The following LAS1L variants were observed in gnomAD, a reference collection of about 807,000 sequenced individuals.
LAS1L encodes the protein LAS1 like ribosome biogenesis factor.
LAS1L carries 5 observed loss-of-function variants against 57.3 expected under a neutral mutation model. The observed-to-expected ratio is 0.09, with a 90% CI of 0.05 to 0.18. The LOEUF is 0.18. LAS1L is among the 10% of genes least tolerant of loss of function. The pLI is 1.00. For synonymous variants in LAS1L, 245 were observed against 231.7 expected (o/e 1.06, Z -0.52); for missense variants, 360 against 568.3 (o/e 0.63, Z 3.73).
At chrX:65,533,810 T>C in intron 1 of LAS1L, 75 bp from the exon 2 acceptor site, 5 of 1,080,203 alleles carry the variant, frequency 4.6e-6, no homozygotes, top group Non-Finnish European at 6.3e-6. Flanking sequence ...ACCTAGGTTG[T>C]TGCAGGCTAC....
intron 2 of LAS1L, among the ~76,000 whole-genome samples, chrX:65,532,956 G>A (rs2069574958): frequency 8.9e-6 from 1 of 112,428 alleles, no homozygotes; most frequent in South Asian, 3.6e-4. Context: ...ATCAGATAAT[G>A]GGGAGCACAG....
At chrX:65,525,988 C>T (rs1048388606) in intron 7 of LAS1L, among the ~76,000 whole-genome samples, 25 of 110,983 alleles carry the variant, frequency 2.3e-4, no homozygotes, top group Admixed American at 7.7e-4. Flanking sequence ...TCATGAATGA[C>T]TTGGTGCTGT....
chrX:65,525,525 T>G (rs2069080494), intron 7 of LAS1L, among the ~76,000 whole-genome samples: 2 of 110,037 alleles, frequency 1.8e-5, no homozygotes, highest in South Asian at 7.7e-4. Context: ...AGTAGAAACC[T>G]TGGGGACCCA....
intron 11 of LAS1L, chrX:65,520,882 C>T (rs1484020865): frequency 1.3e-6 from 1 of 750,215 alleles, no homozygotes; most frequent in Non-Finnish European, 1.6e-6. Context: ...CTTGTCACTC[C>T]CTCCCTCCCA....
chrX:65,524,852 T>A, intron 8 of LAS1L, 113 bp downstream of exon 8: 1 of 523,510 alleles, frequency 1.9e-6, no homozygotes, highest in South Asian at 2.9e-5. Context: ...TCAGAGGCCA[T>A]GGAATGGCAG....
At chrX:65,526,482 G>C (rs755279846) in intron 7 of LAS1L, among the ~76,000 whole-genome samples, 1 of 111,534 alleles carries the variant, frequency 9.0e-6, no homozygotes, top group Non-Finnish European at 1.9e-5. Context: ...CCTAGGCTGG[G>C]CAAACACTGA....
intron 11 of LAS1L, 136 bp from the exon 12 acceptor site, chrX:65,518,601 CAT>C: frequency 1.0e-6 from 1 of 972,409 alleles, no homozygotes; most frequent in South Asian, 2.6e-5. Context: ...GCAGACAGAA[CAT>C]AGAAACAACA....
intron 11 of LAS1L, chrX:65,522,222 G>A (rs1194836245): frequency 9.1e-6 from 1 of 110,176 alleles, no homozygotes; most frequent in African/African-American, 3.3e-5. Flanking sequence ...CCGCAGATCA[G>A]TTCACGAGGG....
rs774066035 is a variant in LAS1L at position 65,529,883 on chromosome X, A to AG, written c.515-6dup. On this transcript the variant is annotated splice_polypyrimidine_tract_variant and splice_region_variant and intron_variant, in intron 4 of 13. Coordinates refer to ENST00000374811, the MANE Select transcript of LAS1L (RefSeq NM_031206.7). ...AATCCAGGACAAAGTAGCAGCCTAG[A>AG]GGGGGGAAGGCAGGCAGTGCCACAG... The AG allele has an allele frequency of 8.3e-7, 1 of 1,208,490 alleles. No homozygotes were observed. Among genetic ancestry groups the AG allele is most frequent in the East Asian group, 3.0e-5 (1 of 33,785 alleles).
At chrX:65,522,330 A>C (rs2068893325) in intron 11 of LAS1L, 1 of 109,862 alleles carries the variant, frequency 9.1e-6, no homozygotes, top group African/African-American at 3.3e-5. Flanking sequence ...GTGAGCGGTA[A>C]GGGTTTAGAA....
chrX:65,524,312 A>G (rs1421392629), intron 9 of LAS1L, 50 bp from the exon 10 acceptor site: 6 of 981,671 alleles, frequency 6.1e-6, no homozygotes, highest in Non-Finnish European at 8.6e-6. Context: ...GAGAGAGAGC[A>G]GGAGAGCACG....
Position 65,514,964 on chromosome X carries a change from C to T in LAS1L, c.1937G>A (p.Arg646Gln), listed in dbSNP as rs755113452. 1.9e-5 allele frequency: 23 copies of T among 1,205,877 alleles called. No individual in the cohort carries two copies. The highest frequency in any genetic ancestry group is 2.5e-5 in the Non-Finnish European group (22 of 892,935). Residue 646 changes from arginine (R) to glutamine (Q), a missense_variant, in exon 13 of 14, where the codon CGA becomes CAA. Physicochemically the swap from Arg to Gln is conservative, Grantham distance 43. This residue lies in a region of LAS1L where 123 missense variants were observed against 168.3 expected (regional missense o/e 0.73). Transcript: ENST00000374811. Reference protein sequence around the residue: ...SAWQVSSEDVRWDTFPLGRMP... With the variant: ...SAWQVSSEDVQWDTFPLGRMP... ...TCGGCCTAGGGGAAATGTGTCCCAT[C>T]GCACGTCTTCTGTGGAGCAAAGGGA...
chrX:65,525,200 G>A (rs1303162097), intron 7 of LAS1L, 150 bp from the exon 8 acceptor site: 2 of 460,986 alleles, frequency 4.3e-6, no homozygotes, highest in African/African-American at 4.8e-5. Context: ...GGAGTGGGGA[G>A]GAAGGGAGTT....
intron 13 of LAS1L, among the ~76,000 whole-genome samples, chrX:65,513,433 C>T (rs1018271382): frequency 4.5e-5 from 5 of 112,290 alleles, no homozygotes; most frequent in Admixed American, 9.4e-5. Flanking sequence ...CCCCTGCTTC[C>T]CGCAAGTCAA....
At chrX:65,519,517 C>A (rs1300322982) in intron 11 of LAS1L, among the ~76,000 whole-genome samples, 2 of 111,782 alleles carry the variant, frequency 1.8e-5, no homozygotes, top group African/African-American at 6.5e-5. Context: ...GACACACAGA[C>A]AGACAGAGAG....
chrX:65,515,144 G>A (rs1419576351), intron 12 of LAS1L, among the ~76,000 whole-genome samples, 171 bp from the exon 13 acceptor site: 4 of 111,449 alleles, frequency 3.6e-5, no homozygotes. Flanking sequence ...CTCTCCACCA[G>A]AGTGCTTCAC....
intron 11 of LAS1L, among the ~76,000 whole-genome samples, chrX:65,519,335 A>G (rs1295081780): frequency 1.8e-5 from 2 of 112,041 alleles, no homozygotes; most frequent in Non-Finnish European, 1.9e-5. Flanking sequence ...CTGAGTACAC[A>G]TGAAGGCTAT....
intron 7 of LAS1L, 31 bp from the exon 8 acceptor site, chrX:65,525,081 T>G (rs763360862): frequency 1.1e-5 from 12 of 1,120,600 alleles, no homozygotes; most frequent in Middle Eastern, 2.4e-4. Flanking sequence ...TTTAGCAAAG[T>G]GATGCTGGCA....
intron 13 of LAS1L, among the ~76,000 whole-genome samples, chrX:65,514,544 AC>A (rs1487961825): frequency 7.4e-5 from 8 of 107,591 alleles, no homozygotes; most frequent in Non-Finnish European, 1.5e-4. Context: ...GCACACACAC[AC>A]ACACACACAC....
Sources: gnomAD v4.1 joint callset for allele counts (sites outside exome capture counted in the v4.1 genomes callset) on GRCh38, gnomAD v4.1.1 for gene constraint, gnomAD v4.1.1 regional missense constraint, MANE v1.5 for transcripts, NCBI Gene and HGNC (gene_info 2026-07-23, HGNC 2026-07-21) for gene names.